Variants in OR9Q1 observed in about 807,000 individuals in gnomAD.
OR9Q1 encodes olfactory receptor family 9 subfamily Q member 1.
For missense variants in OR9Q1, 374 were observed against 378.8 expected, an observed-to-expected ratio of 0.99 and a Z score of 0.11; for synonymous variants, 153 against 148.6, an observed-to-expected ratio of 1.03 and a Z score of -0.22.
Position 58,119,119 on chromosome 11 carries a change from C to T in OR9Q1, c.-14-60312C>T. On this transcript the variant is annotated intron_variant, in intron 2 of 2. Coordinates refer to ENST00000335397, the MANE Select transcript of OR9Q1 (RefSeq NM_001005212.4). ...CACTGCCAGCAGAAAGCACTCTGTG[C>T]CTGCACAGATGGTGAATAAAAAGAA... 1.2e-6 allele frequency: 2 copies of T among 1,613,972 alleles called. No homozygotes were observed. The highest frequency in any genetic ancestry group is 3.3e-4 in the Middle Eastern group (2 of 6,058).
chr11:58,178,859 C>A (rs1000064191), intron 2 of OR9Q1, among the ~76,000 whole-genome samples: 39 of 138,708 alleles, frequency 2.8e-4, no homozygotes, highest in African/African-American at 9.3e-4. Context: ...CTACATCACA[C>A]CTGACATATT....
intron 2 of OR9Q1, among the ~76,000 whole-genome samples, chr11:58,063,709 G>T (rs192984758): frequency 2.6e-5 from 4 of 152,044 alleles, no homozygotes; most frequent in Non-Finnish European, 5.9e-5. Flanking sequence ...TTAATTTTTG[G>T]GGGGGTGAGT....
chr11:58,058,238 T>G (rs934610165), intron 2 of OR9Q1, among the ~76,000 whole-genome samples: 3 of 152,222 alleles, frequency 2.0e-5, no homozygotes, highest in Admixed American at 1.3e-4. Context: ...GGGCTTTGGC[T>G]GCCAGGTAGG....
intron 2 of OR9Q1, among the ~76,000 whole-genome samples, chr11:58,129,750 C>T (rs971778981): frequency 6.6e-6 from 1 of 152,142 alleles, no homozygotes; most frequent in African/African-American, 2.4e-5. Flanking sequence ...TCTGTCGCTA[C>T]TCCAAATAGT....
chr11:58,119,543 T>C lies in OR9Q1; in HGVS notation c.-14-59888T>C, dbSNP rs117690649. 1.0e-3 allele frequency: 860 copies of C among 827,778 alleles called. 4 individuals are homozygous for C. Among genetic ancestry groups the C allele is most frequent in the Middle Eastern group, 5.2e-3 (22 of 4,202 alleles). The allele number at this position is 827,778 out of a possible 1,614,324, so 51.3% of individuals were successfully genotyped here. On this transcript the variant is annotated intron_variant, in intron 2 of 2. Coordinates refer to ENST00000335397, the MANE Select transcript of OR9Q1 (RefSeq NM_001005212.4). ...TTCCCTCTATGGTGGAAGTTTTGGT[T>C]TTAATTCTGGGTCTATTTGTAGAGT...
chr11:58,100,123 T>C (rs1445083557), intron 2 of OR9Q1, among the ~76,000 whole-genome samples: 1 of 152,178 alleles, frequency 6.6e-6, no homozygotes, highest in Non-Finnish European at 1.5e-5. Context: ...ATGCTAACCC[T>C]TGGAGCAGCA....
chr11:58,048,535 G>A (rs1853243313), intron 1 of OR9Q1, among the ~76,000 whole-genome samples: 1 of 150,802 alleles, frequency 6.6e-6, no homozygotes, highest in Admixed American at 6.6e-5. Flanking sequence ...GGTGGCACAT[G>A]CTGTAGCCCC....
At chr11:58,079,885 T>C (rs1249719460) in intron 2 of OR9Q1, among the ~76,000 whole-genome samples, 1 of 152,184 alleles carries the variant, frequency 6.6e-6, no homozygotes, top group East Asian at 1.9e-4. Context: ...ACTGCCCAGC[T>C]GAGCCAACAC....
chr11:58,097,031 G>T (rs1853738801), intron 2 of OR9Q1, among the ~76,000 whole-genome samples: 1 of 151,972 alleles, frequency 6.6e-6, no homozygotes, highest in Non-Finnish European at 1.5e-5. Context: ...TTGTAGAGAT[G>T]GGGGTCTCAC....
At chr11:58,150,547 C>G (rs1363820845) in intron 2 of OR9Q1, among the ~76,000 whole-genome samples, 1 of 152,102 alleles carries the variant, frequency 6.6e-6, no homozygotes, top group Non-Finnish European at 1.5e-5. Context: ...ACATCAATGA[C>G]GGTTCCATGA....
intron 2 of OR9Q1, among the ~76,000 whole-genome samples, chr11:58,173,499 G>T (rs910720305): frequency 6.6e-6 from 1 of 151,290 alleles, no homozygotes; most frequent in Non-Finnish European, 1.5e-5. Flanking sequence ...GTATTCCATG[G>T]TGTATATGTG....
At chr11:58,041,938 G>A (rs949633809) in intron 1 of OR9Q1, among the ~76,000 whole-genome samples, 2 of 152,162 alleles carry the variant, frequency 1.3e-5, no homozygotes, top group African/African-American at 2.4e-5. Flanking sequence ...ACCACCTATG[G>A]AAGCTCCAAC....
chr11:58,098,359 TTTGAC>T (rs1428702192), intron 2 of OR9Q1, among the ~76,000 whole-genome samples: 1 of 152,210 alleles, frequency 6.6e-6, no homozygotes, highest in Admixed American at 6.5e-5. Context: ...ATTTGTTTCT[TTTGAC>T]TTGTCAAATT....
At chr11:58,084,220 A>G (rs953963360) in intron 2 of OR9Q1, among the ~76,000 whole-genome samples, 17 of 151,812 alleles carry the variant, frequency 1.1e-4, no homozygotes, top group Admixed American at 2.6e-4. Flanking sequence ...CTTTGTGGTT[A>G]TTATAAATGG....
At chr11:58,151,641 G>C (rs1395040091) in intron 2 of OR9Q1, among the ~76,000 whole-genome samples, 1 of 152,032 alleles carries the variant, frequency 6.6e-6, no homozygotes, top group African/African-American at 2.4e-5. Context: ...AAAAATGCTG[G>C]GTAAACATAG....
intron 1 of OR9Q1, among the ~76,000 whole-genome samples, chr11:58,050,214 T>C: frequency 1.5e-5 from 2 of 133,014 alleles, no homozygotes; most frequent in Non-Finnish European, 1.6e-5. Flanking sequence ...AAGGCTACAG[T>C]AACCAAAACA....
chr11:58,144,951 G>T, intron 2 of OR9Q1: 1 of 153,128 alleles, frequency 6.5e-6, no homozygotes, highest in South Asian at 2.0e-4. Context: ...TCAATTCTGT[G>T]ATCTGCACTG....
chr11:58,060,603 A>C (rs1200188365), intron 2 of OR9Q1, among the ~76,000 whole-genome samples: 2 of 152,074 alleles, frequency 1.3e-5, no homozygotes, highest in Non-Finnish European at 2.9e-5. Context: ...GTTTATCAGC[A>C]AAAAATATTT....
At chr11:58,172,895 A>T (rs1031546109) in intron 2 of OR9Q1, among the ~76,000 whole-genome samples, 5 of 152,194 alleles carry the variant, frequency 3.3e-5, no homozygotes, top group African/African-American at 1.2e-4. Flanking sequence ...CTGTTGTGCT[A>T]TCACATACTA....
Sources: allele counts gnomAD v4.1 joint callset (sites outside exome capture counted in the v4.1 genomes callset), GRCh38; gene constraint gnomAD v4.1.1; transcripts MANE v1.5; gene names NCBI Gene and HGNC (gene_info 2026-07-23, HGNC 2026-07-21).